Variants in ZNF83 observed in about 807,000 individuals in gnomAD.
The protein encoded by ZNF83 is zinc finger protein 83.
For synonymous variants in ZNF83, 209 were observed against 213.0 expected (o/e 0.98, Z 0.17); for missense variants, 552 against 629.9 (o/e 0.88, Z 1.32).
chr19:52,687,488 TAATTTATATAG>T (rs1179917620), intron 1 of ZNF83, among the ~76,000 whole-genome samples: 1 of 61,128 alleles, frequency 1.6e-5, no homozygotes, highest in East Asian at 3.5e-4. Flanking sequence ...ATATAAATTA[TAATTTATATAG>T]ATATATAAAT....
rs1173808031 is a variant in ZNF83, at chr19:52,647,382, C to T, written c.-74+8179G>A. 3.3e-5 allele frequency among the ~76,000 whole-genome samples: 5 copies of T among 152,154 alleles called. No homozygotes were observed. The East Asian group carries it at 9.6e-4, about 29-fold the overall frequency. On this transcript the variant is annotated intron_variant, in intron 3 of 5. Coordinates refer to the ZNF83 transcript ENST00000594682. ...CAAGTAATCATATCCAATGAACTCA[C>T]TCACTCATCTGCCTTGGCCTCTAGA...
chr19:52,688,046 A>G (rs1193676960), intron 1 of ZNF83, among the ~76,000 whole-genome samples: 1 of 152,102 alleles, frequency 6.6e-6, no homozygotes, highest in East Asian at 1.9e-4. Flanking sequence ...GAATTTTAAA[A>G]TTCTCAATCT....
intron 1 of ZNF83, among the ~76,000 whole-genome samples, chr19:52,676,420 G>C (rs1186531037): frequency 1.3e-5 from 2 of 152,104 alleles, no homozygotes; most frequent in African/African-American, 4.8e-5. Flanking sequence ...GGGAAGTGAG[G>C]AGCGTCTCTG....
At chr19:52,657,519 C>T (rs1010965144) in intron 2 of ZNF83, among the ~76,000 whole-genome samples, 1 of 151,258 alleles carries the variant, frequency 6.6e-6, no homozygotes, top group African/African-American at 2.4e-5. Flanking sequence ...CAGAGTGAGA[C>T]TGTCTCAAAA....
chr19:52,684,300 A>T (rs1384019544), intron 1 of ZNF83, among the ~76,000 whole-genome samples: 2 of 151,380 alleles, frequency 1.3e-5, no homozygotes, highest in Non-Finnish European at 2.9e-5. Context: ...CTGGTGGTGG[A>T]GGTTGTAGTG....
At chr19:52,614,700 G>A (rs1210648311) in exon 3 of ZNF83, 5 of 1,346,028 alleles carry the variant, frequency 3.7e-6, no homozygotes, top group Non-Finnish European at 4.8e-6. Context: ...GTATGTCGTG[G>A]CTTTCATGTC....
chr19:52,622,780 G>GA (rs76529273), intron 2 of ZNF83, among the ~76,000 whole-genome samples: 34,501 of 151,936 alleles, frequency 0.23, 3,960 homozygotes, highest in South Asian at 0.28. Context: ...CCTGACATTA[G>GA]AAAAAAGCTT....
upstream of ZNF83, among the ~76,000 whole-genome samples, chr19:52,638,670 C>G (rs1297540223): frequency 6.6e-6 from 1 of 152,238 alleles, no homozygotes; most frequent in African/African-American, 2.4e-5. Flanking sequence ...CAATTTCATG[C>G]TGATAGCCCA....
intron 2 of ZNF83, among the ~76,000 whole-genome samples, chr19:52,656,207 C>T (rs1024605735): frequency 4.5e-5 from 4 of 88,666 alleles, no homozygotes; most frequent in Non-Finnish European, 6.3e-5. Flanking sequence ...AGTGAGACTC[C>T]GTCTCTCTCT....
chr19:52,626,322 C>T (rs2060735096), intron 2 of ZNF83, among the ~76,000 whole-genome samples: 1 of 152,204 alleles, frequency 6.6e-6, no homozygotes, highest in African/African-American at 2.4e-5. Flanking sequence ...AGTTGTCCTC[C>T]AAAATTGCTG....
chr19:52,618,266 G>GTT (rs967173798), intron 2 of ZNF83, among the ~76,000 whole-genome samples: 2,129 of 142,004 alleles, frequency 0.015, 45 homozygotes, highest in African/African-American at 0.048. Context: ...TAATTTTTGT[G>GTT]TTTTTTTTTT....
chr19:52,667,906 CAT>C (rs2061675997), intron 1 of ZNF83, among the ~76,000 whole-genome samples: 1 of 152,128 alleles, frequency 6.6e-6, no homozygotes. Context: ...GTATAAAAAT[CAT>C]ACATGAAGTG....
chr19:52,680,600 CAA>C, intron 1 of ZNF83, among the ~76,000 whole-genome samples: 1 of 131,334 alleles, frequency 7.6e-6, no homozygotes, highest in East Asian at 2.4e-4. Flanking sequence ...TACTTTTCCA[CAA>C]AATATTTTTT....
At chr19:52,639,375 C>T (rs1015806216), upstream of ZNF83, among the ~76,000 whole-genome samples, 15 of 147,776 alleles carry the variant, frequency 1.0e-4, no homozygotes, top group Admixed American at 5.6e-4. Flanking sequence ...TGTGAGCCAC[C>T]GCGCCCGGCT....
At chr19:52,688,651 C>T (rs2062088587) in intron 1 of ZNF83, among the ~76,000 whole-genome samples, 1 of 152,010 alleles carries the variant, frequency 6.6e-6, no homozygotes, top group African/African-American at 2.4e-5. Context: ...ACCTCTTCTG[C>T]TCCATCCTTG....
At chr19:52,666,935 T>C (rs1483248067) in intron 1 of ZNF83, among the ~76,000 whole-genome samples, 2 of 152,186 alleles carry the variant, frequency 1.3e-5, no homozygotes, top group Non-Finnish European at 2.9e-5. Context: ...TGCCTAATAA[T>C]TGGACTGCTG....
chr19:52,640,524 GAA>G (rs1173582519), upstream of ZNF83, among the ~76,000 whole-genome samples: 2 of 152,140 alleles, frequency 1.3e-5, no homozygotes, highest in Non-Finnish European at 2.9e-5. Flanking sequence ...TTATTAACAG[GAA>G]AACTCTTTTT....
intron 1 of ZNF83, among the ~76,000 whole-genome samples, chr19:52,689,245 G>T (rs575297581): frequency 1.3e-5 from 2 of 152,170 alleles, no homozygotes; most frequent in Non-Finnish European, 2.9e-5. Flanking sequence ...CACTGAGCCA[G>T]TGCGTACCTA....
At position 52,664,763 on chromosome 19, in the gene ZNF83, A is replaced by AG. The variant is rs1008336903; in HGVS notation, c.-282-3921dup. Among the ~76,000 whole-genome samples the AG allele has an allele frequency of 6.7e-4, 7 of 10,476 alleles. No homozygotes were observed. The Admixed American group carries it at 7.8e-3, about 12-fold the overall frequency. 6.9% of individuals were successfully genotyped at this position (10,476 alleles called of 152,430 possible). ...ACAAGGGGCCTGGTGTGGGGGGGTG[A>AG]GGGGGGAAGAGGCCTGGGCTGTGAG... is the stretch of plus-strand genomic sequence containing the variant. On this transcript the variant is annotated intron_variant, in intron 1 of 5. Coordinates refer to the ZNF83 transcript ENST00000594682.
Sources: gnomAD v4.1 joint callset for allele counts (sites outside exome capture counted in the v4.1 genomes callset) on GRCh38, gnomAD v4.1.1 for gene constraint, MANE v1.5 for transcripts, NCBI Gene and HGNC (gene_info 2026-07-23, HGNC 2026-07-21) for gene names.